Variants in POGLUT2 observed in about 807,000 individuals in gnomAD.
POGLUT2 encodes the protein protein O-glucosyltransferase 2, also known as ER protein 58.
In POGLUT2, 47 loss-of-function variants were observed where a neutral mutation model predicts 57.6. The observed-to-expected ratio is 0.82, with a 90% CI of 0.65 to 1.04. The LOEUF is 1.04. POGLUT2 is among the 50% of genes least tolerant of loss of function. The pLI is 0.00. For synonymous variants in POGLUT2, 200 were observed against 218.8 expected (o/e 0.91, Z 0.76); for missense variants, 565 against 614.8 (o/e 0.92, Z 0.86).
In POGLUT2 at chr13:102,789,238, A is replaced by G; in HGVS notation, c.1084-17T>C. On this transcript the variant is annotated splice_polypyrimidine_tract_variant and intron_variant, in intron 6 of 9. Transcript: ENST00000376004. ...ATACTTATGCTGCAAAACAATGGTA[A>G]AGTCTAAGAACCTCTATTAAATCTC... is the stretch of plus-strand genomic sequence containing the variant. The G allele has an allele frequency of 2.5e-6, 4 of 1,597,174 alleles. No individual in the cohort carries two copies. Among genetic ancestry groups the G allele is most frequent in the African/African-American group, 1.3e-5 (1 of 74,680 alleles).
Position 102,797,586 on chromosome 13 carries a change from A to T in POGLUT2, c.183-577T>A, listed in dbSNP as rs75680149. ...CTACAAATAATAATAATAATAATAA[A>T]AAACAAATAGCCAGGCGAGGTGGCA... is the stretch of plus-strand genomic sequence containing the variant. On this transcript the variant is annotated intron_variant, in intron 1 of 9. Transcript: ENST00000376004. Among the ~76,000 whole-genome samples, 439 of 151,944 alleles carry T rather than the reference A, an allele frequency of 2.9e-3. 1 individual carries two copies. The highest frequency in any genetic ancestry group is 6.1e-3 in the African/African-American group (253 of 41,364).
At chr13:102,795,250 C>CAAAAAAAAAAAAAAAAAAAAA (rs58015405) in intron 2 of POGLUT2, among the ~76,000 whole-genome samples, 1 of 42,652 alleles carries the variant, frequency 2.3e-5, no homozygotes. Context: ...GACATCGTCT[C>CAAAAAAAAAAAAAAAAAAAAA]AAAAAAAAAA....
rs1223902156 is a variant in POGLUT2, at chr13:102,796,889, G to A, written c.303C>T (p.Tyr101=). The change falls in exon 2 of 10, where the codon TAC becomes TAT. Residue 101 remains tyrosine, a synonymous_variant. Coordinates refer to ENST00000376004, the MANE Select transcript of POGLUT2 (RefSeq NM_024089.3). ...GATTTTTGTAGCTTGCATACATTCT[G>A]TATCTTACTATGAAGGACCCATCTT... ...DRKDGSFIVR[Y]RMYASYKNLK... 1 of 1,610,420 alleles carries A rather than the reference G, an allele frequency of 6.2e-7. No individual in the cohort carries two copies. The highest frequency in any genetic ancestry group is 2.2e-5 in the East Asian group (1 of 44,834).
intron 8 of POGLUT2, among the ~76,000 whole-genome samples, chr13:102,786,667 A>T (rs1001233756): frequency 6.6e-6 from 1 of 152,076 alleles, no homozygotes; most frequent in African/African-American, 2.4e-5. Context: ...GAAGACAGAG[A>T]CTATTCTGCT....
In POGLUT2 at chr13:102,789,132, A is replaced by C; in HGVS notation, c.1173T>G (p.Asp391Glu). Residue 391 changes from aspartate to glutamate, a missense_variant, in exon 7 of 10, where the codon GAT becomes GAG. Transcript: ENST00000376004. ...TGTAAAAATGTTCATAGTAGATGGAATCCTGCTTCAGCACAACACTGTCAC... is the reference window on the plus strand; with the variant it reads ...TGTAAAAATGTTCATAGTAGATGGACTCCTGCTTCAGCACAACACTGTCAC... ...LVGDSVVLKQDSIYYEHFYNE... is the reference protein window; with the variant it reads ...LVGDSVVLKQESIYYEHFYNE... The C allele has an allele frequency of 1.2e-6, 2 of 1,614,168 alleles. No individual in the cohort carries two copies. The highest frequency in any genetic ancestry group is 1.7e-6 in the Non-Finnish European group (2 of 1,179,990).
chr13:102,795,496 G>C (rs1878343627), intron 2 of POGLUT2, among the ~76,000 whole-genome samples: 1 of 152,102 alleles, frequency 6.6e-6, no homozygotes, highest in Non-Finnish European at 1.5e-5. Context: ...CCAGGAGGTC[G>C]AGGCTGCAGT....
At position 102,797,741 on chromosome 13, in the gene POGLUT2, TA is replaced by T. The variant is rs1474615811; in HGVS notation, c.183-733del. Among the ~76,000 whole-genome samples, 129 of 143,866 alleles carry T rather than the reference TA, an allele frequency of 9.0e-4. 1 individual carries two copies. Among genetic ancestry groups the T allele is most frequent in the African/African-American group, 1.9e-3 (76 of 39,452 alleles). 94.4% of individuals were successfully genotyped at this position (143,866 alleles called of 152,430 possible). A position where few individuals can be genotyped will look rare whatever the true frequency, so the allele number is the denominator to read the frequency against. On this transcript the variant is annotated intron_variant, in intron 1 of 9. Transcript: ENST00000376004. ...TAGGCTAGGAAGTGAAACCCTGTCT[TA>T]AAAAAAAAAAACTCACGCTCAGCCA...
intron 1 of POGLUT2, among the ~76,000 whole-genome samples, 155 bp downstream of exon 1, chr13:102,798,334 G>A (rs1489874382): frequency 3.3e-5 from 5 of 152,006 alleles, no homozygotes; most frequent in Admixed American, 6.6e-5. Flanking sequence ...ATTATAATTC[G>A]GAACAATTTC....
intron 8 of POGLUT2, among the ~76,000 whole-genome samples, chr13:102,786,584 C>CT (rs36017149): frequency 0.63 from 94,913 of 149,676 alleles, 33,029 homozygotes; most frequent in Non-Finnish European, 0.78. Context: ...ATTTCCATGA[C>CT]TTTTTTTTTT....
At chr13:102,794,392 T>C (rs938139764) in intron 2 of POGLUT2, among the ~76,000 whole-genome samples, 1 of 152,150 alleles carries the variant, frequency 6.6e-6, no homozygotes, top group Admixed American at 6.5e-5. Context: ...CTGGGTGCAG[T>C]GGCTCACGTC....
At chr13:102,793,867 T>G (rs529690542) in intron 2 of POGLUT2, 61 bp from the exon 3 acceptor site, 1 of 1,400,122 alleles carries the variant, frequency 7.1e-7, no homozygotes, top group Admixed American at 1.7e-5. Context: ...TCGAAACTTG[T>G]AATAAACATC....
rs566471678 is a variant in POGLUT2, at chr13:102,786,746, C to G, written c.1384-407G>C. On this transcript the variant is annotated intron_variant, in intron 8 of 9. Transcript: ENST00000376004. The stretch of plus-strand genomic sequence containing the variant: ...TATCATGTGCTTACTCTGAGTGAAG[C>G]ACTGTGCTAAGTACCTATGCTAAAT... Among the ~76,000 whole-genome samples, 9 of 152,282 alleles carry G rather than the reference C, an allele frequency of 5.9e-5. No individual in the cohort carries two copies. The South Asian group carries it at 1.9e-3, about 32-fold the overall frequency.
intron 8 of POGLUT2, 113 bp downstream of exon 8, chr13:102,787,721 G>GTA: frequency 2.0e-6 from 1 of 490,234 alleles, no homozygotes; most frequent in Non-Finnish European, 3.5e-6. Flanking sequence ...ATCCACAGAA[G>GTA]TATATATATC....
intron 7 of POGLUT2, among the ~76,000 whole-genome samples, chr13:102,788,775 C>T (rs770446745): frequency 3.3e-5 from 5 of 152,150 alleles, no homozygotes; most frequent in African/African-American, 4.8e-5. Context: ...CACGAGCCAC[C>T]GCACCCAGCC....
In POGLUT2 at chr13:102,790,904, G is replaced by C. The variant is rs1239692767; in HGVS notation, c.1080C>G (p.Phe360Leu). ...IVKHISFFDF[F>L]KHKYQINIDG... ...TTAGCTACTGATTAAGTCATACCTT[G>C]AAGAAATCAAAAAATGAAATATGTT... is the stretch of plus-strand genomic sequence containing the variant. Residue 360 changes from phenylalanine (F) to leucine (L), a missense_variant, in exon 6 of 10, where the codon TTC becomes TTG. Physicochemically the swap from Phe to Leu is conservative, Grantham distance 22. Transcript: ENST00000376004. 3 of 1,576,880 alleles carry C rather than the reference G, an allele frequency of 1.9e-6. No individual in the cohort carries two copies. The Admixed American group carries it at 5.0e-5, about 26-fold the overall frequency.
At chr13:102,786,471 A>G (rs1391798665) in intron 8 of POGLUT2, 132 bp from the exon 9 acceptor site, 1 of 655,496 alleles carries the variant, frequency 1.5e-6, no homozygotes, top group African/African-American at 1.8e-5. Context: ...ATAGTCCGTC[A>G]TATATACCAG....
chr13:102,785,451 T>TACACACACAC (rs56102018), intron 9 of POGLUT2, among the ~76,000 whole-genome samples: 7 of 148,592 alleles, frequency 4.7e-5, no homozygotes, highest in African/African-American at 1.7e-4. Flanking sequence ...CAGCATATGT[T>TACACACACAC]ACACACACAC....
At chr13:102,798,283 G>A (rs755595527) in intron 1 of POGLUT2, among the ~76,000 whole-genome samples, 4 of 152,118 alleles carry the variant, frequency 2.6e-5, no homozygotes, top group Non-Finnish European at 5.9e-5. Flanking sequence ...ATTGCTAGGA[G>A]ATTATTTTAT....
intron 7 of POGLUT2, among the ~76,000 whole-genome samples, 191 bp downstream of exon 7, chr13:102,788,821 T>C (rs1878055341): frequency 6.6e-6 from 1 of 152,174 alleles, no homozygotes; most frequent in East Asian, 1.9e-4. Flanking sequence ...GGAGAGTTAA[T>C]GTAAGATGCA....
Sources: gnomAD v4.1 joint callset for allele counts (sites outside exome capture counted in the v4.1 genomes callset) on GRCh38, gnomAD v4.1.1 for gene constraint, MANE v1.5 for transcripts, NCBI Gene and HGNC (gene_info 2026-07-23, HGNC 2026-07-21) for gene names.